Variants in LIMS1 observed in about 807,000 individuals in gnomAD.
LIMS1 encodes LIM zinc finger domain containing 1.
LIMS1 carries 18 observed loss-of-function variants against 44.1 expected under a neutral mutation model. The observed-to-expected ratio is 0.41, with a 90% confidence interval of 0.28 to 0.61. The LOEUF is 0.61. Among genes scored for constraint, LIMS1 ranks in the 20% least tolerant of loss-of-function variants. LIMS1 has a pLI of 0.32. For synonymous variants in LIMS1, 93 were observed against 149.1 expected, an observed-to-expected ratio of 0.62 and a Z score of 2.74; for missense variants, 201 against 422.0, an observed-to-expected ratio of 0.48 and a Z score of 4.59.
At chr2:108,570,706 G>A (rs1685453388) in intron 1 of LIMS1, among the ~76,000 whole-genome samples, 1 of 152,190 alleles carries the variant, frequency 6.6e-6, no homozygotes, top group Admixed American at 6.5e-5. Context: ...GGAGGCGGTG[G>A]AGAAGAGCGG....
At chr2:108,566,622 G>GT (rs1685300471) in intron 1 of LIMS1, among the ~76,000 whole-genome samples, 1 of 151,840 alleles carries the variant, frequency 6.6e-6, no homozygotes, top group Non-Finnish European at 1.5e-5. Flanking sequence ...TTGAGATGGA[G>GT]TTTCGCTCTT....
intron 1 of LIMS1, among the ~76,000 whole-genome samples, chr2:108,607,429 T>A (rs1687332460): frequency 6.6e-6 from 1 of 152,228 alleles, no homozygotes; most frequent in Non-Finnish European, 1.5e-5. Flanking sequence ...GGATTCACTA[T>A]GGTTTCATTT....
chr2:108,626,061 T>C (rs923057540), intron 1 of LIMS1, among the ~76,000 whole-genome samples: 7 of 152,246 alleles, frequency 4.6e-5, no homozygotes, highest in African/African-American at 1.7e-4. Context: ...GTCATTGTTA[T>C]GAAACCAGTT....
At chr2:108,635,953 T>G (rs1178639518) in intron 1 of LIMS1, among the ~76,000 whole-genome samples, 5 of 152,180 alleles carry the variant, frequency 3.3e-5, no homozygotes, top group Non-Finnish European at 7.3e-5. Flanking sequence ...GCTGCCTCTG[T>G]CGGCCTGGGT....
intron 1 of LIMS1, among the ~76,000 whole-genome samples, chr2:108,597,693 CTTTTT>C (rs10693112): frequency 2.8e-5 from 3 of 108,530 alleles, no homozygotes; most frequent in Non-Finnish European, 1.8e-5. Context: ...AGCAAAAATG[CTTTTT>C]TTTTTTTTTT....
At chr2:108,580,911 C>T (rs1301218269) in intron 1 of LIMS1, among the ~76,000 whole-genome samples, 4 of 152,146 alleles carry the variant, frequency 2.6e-5, no homozygotes, top group East Asian at 1.9e-4. Context: ...ACAACACTTC[C>T]CCATTAAATT....
At chr2:108,588,720 T>G in intron 1 of LIMS1, 1 of 585,640 alleles carries the variant, frequency 1.7e-6, no homozygotes, top group Non-Finnish European at 2.2e-6. Flanking sequence ...TGAAACTCTC[T>G]ATGCAGAAAG....
At chr2:108,556,311 T>A (rs1684923371) in intron 1 of LIMS1, among the ~76,000 whole-genome samples, 1 of 152,254 alleles carries the variant, frequency 6.6e-6, no homozygotes, top group Non-Finnish European at 1.5e-5. Context: ...TTCCATTGTA[T>A]GTATATACTG....
rs142976827 is a variant in LIMS1 at position 108,560,675 on chromosome 2, A to AAC, written c.32+26093_32+26094dup. Reference sequence around the variant, plus strand: ...GTCTCTTTGTTCACTGCTAAACACAAACACACACACACAGCTTCGATGGAT... The same window carrying AAC: ...GTCTCTTTGTTCACTGCTAAACACAAACACACACACACACAGCTTCGATGGAT... On this transcript the variant is annotated intron_variant, in intron 1 of 9. Coordinates refer to ENST00000544547, the Ensembl canonical transcript of LIMS1. Among the ~76,000 whole-genome samples the AAC allele has an allele frequency of 4.8e-3, 722 of 151,830 alleles. 6 individuals carry two copies. Among genetic ancestry groups the AAC allele is most frequent in the African/African-American group, 0.014 (580 of 41,422 alleles).
intron 9 of LIMS1, 123 bp downstream of exon 9, chr2:108,680,893 G>A (rs984582783): frequency 2.2e-6 from 3 of 1,341,344 alleles, no homozygotes; most frequent in Non-Finnish European, 2.0e-6. Context: ...TTTCTGTTCA[G>A]GCCTTCTGAA....
chr2:108,651,418 T>C (rs1481768932), intron 1 of LIMS1, among the ~76,000 whole-genome samples: 3 of 152,288 alleles, frequency 2.0e-5, no homozygotes, highest in African/African-American at 7.2e-5. Flanking sequence ...AGTAGGATAT[T>C]CCTGATTGAA....
At chr2:108,552,382 T>C (rs865914741) in intron 1 of LIMS1, among the ~76,000 whole-genome samples, 11 of 143,560 alleles carry the variant, frequency 7.7e-5, no homozygotes, top group Middle Eastern at 3.7e-3. Context: ...AGTATATATA[T>C]GAAACTATAT....
chr2:108,573,571 G>A (rs2718725), intron 1 of LIMS1, among the ~76,000 whole-genome samples: 101,237 of 152,026 alleles, frequency 0.67, 34,405 homozygotes, highest in East Asian at 0.97. Flanking sequence ...GTAATCATGT[G>A]TTATTTAACA....
intron 1 of LIMS1, among the ~76,000 whole-genome samples, chr2:108,614,807 T>G (rs906491110): frequency 6.6e-6 from 1 of 152,170 alleles, no homozygotes; most frequent in African/African-American, 2.4e-5. Context: ...AAGTGAAAGT[T>G]GATGTGTTGA....
chr2:108,620,171 C>G (rs1186159529), intron 1 of LIMS1, among the ~76,000 whole-genome samples: 1 of 152,136 alleles, frequency 6.6e-6, no homozygotes, highest in Non-Finnish European at 1.5e-5. Context: ...GTAGACTTCC[C>G]TTTCCTATGG....
At chr2:108,611,836 A>AATAAATATATATAT (rs1553459739) in intron 1 of LIMS1, among the ~76,000 whole-genome samples, 1 of 130,988 alleles carries the variant, frequency 7.6e-6, no homozygotes, top group Admixed American at 8.5e-5. Context: ...CATGATCTAA[A>AATAAATATATATAT]ATATATATAT....
chr2:108,538,854 A>G (rs1399975967), intron 1 of LIMS1, among the ~76,000 whole-genome samples: 1 of 152,204 alleles, frequency 6.6e-6, no homozygotes, highest in Non-Finnish European at 1.5e-5. Flanking sequence ...CTCTGTGACC[A>G]GTAAATACCA....
At position 108,649,711 on chromosome 2, in the gene LIMS1, C is replaced by T. The variant is rs1183389316; in HGVS notation, c.33-9894C>T. ...GCTGGAAACCATCATTCTCAGCAAACTAACACGAGAACAAAAAACCAAACA... is the reference window on the plus strand; with the variant it reads ...GCTGGAAACCATCATTCTCAGCAAATTAACACGAGAACAAAAAACCAAACA... On this transcript the variant is annotated intron_variant, in intron 1 of 9. Transcript: ENST00000544547. Among the ~76,000 whole-genome samples the T allele has an allele frequency of 4.6e-5, 7 of 152,144 alleles. No homozygotes were observed. In the East Asian group the frequency reaches 1.3e-3, roughly 29 times the overall value.
At chr2:108,607,075 A>G in intron 1 of LIMS1, 2 of 660,452 alleles carry the variant, frequency 3.0e-6, no homozygotes, top group Non-Finnish European at 5.2e-6. Context: ...AGAGATGATT[A>G]GGTCACGAGA....
Sources: allele counts gnomAD v4.1 joint callset (sites outside exome capture counted in the v4.1 genomes callset), GRCh38; gene constraint gnomAD v4.1.1; transcripts MANE v1.5; gene names NCBI Gene and HGNC (gene_info 2026-07-23, HGNC 2026-07-21).